SLC8A1: variants seen among roughly 807,000 people sequenced by gnomAD.
SLC8A1 encodes sodium/calcium exchanger 1.
SLC8A1 carries 18 observed loss-of-function variants against 68.3 expected under a neutral mutation model. The observed-to-expected ratio is 0.26, with a 90% CI of 0.18 to 0.39. The LOEUF (loss-of-function observed/expected upper bound fraction) is 0.39. Among genes scored for constraint, SLC8A1 ranks in the 10% least tolerant of loss-of-function variants. The pLI is 1.00. For synonymous variants in SLC8A1, 475 were observed against 415.5 expected (o/e 1.14, Z -1.74); for missense variants, 985 against 1,156.7 (o/e 0.85, Z 2.15).
chr2:40,419,537 T>C (rs1694878443), intron 2 of SLC8A1, among the ~76,000 whole-genome samples: 1 of 152,036 alleles, frequency 6.6e-6, no homozygotes, highest in Non-Finnish European at 1.5e-5. Context: ...CACCTCCTTC[T>C]CTGCCTCCCT....
intron 2 of SLC8A1, among the ~76,000 whole-genome samples, chr2:40,327,956 T>G (rs1488664547): frequency 1.6e-5 from 2 of 126,642 alleles, no homozygotes; most frequent in Non-Finnish European, 3.2e-5. Context: ...GAAATAAAAC[T>G]GAAAAAAAAA....
chr2:40,218,050 G>A (rs776499123), intron 2 of SLC8A1, among the ~76,000 whole-genome samples: 1 of 152,126 alleles, frequency 6.6e-6, no homozygotes, highest in African/African-American at 2.4e-5. Flanking sequence ...GTAGTAAAGA[G>A]ACACAGCCTT....
intron 2 of SLC8A1, among the ~76,000 whole-genome samples, chr2:40,399,326 C>G (rs770738788): frequency 6.6e-6 from 1 of 152,120 alleles, no homozygotes; most frequent in Non-Finnish European, 1.5e-5. Flanking sequence ...TCCCCTACCC[C>G]TCGTCTCCCC....
chr2:40,277,798 A>ATATATATATATATATATATATGTGTGTG (rs1314214737), intron 2 of SLC8A1, among the ~76,000 whole-genome samples: 5 of 38,270 alleles, frequency 1.3e-4, no homozygotes, highest in South Asian at 1.0e-3. Context: ...ATGTGTGTAT[A>ATATATATATATATATATATATGTGTGTG]TATATATATA....
chr2:40,363,419 AT>A (rs1308393768), intron 2 of SLC8A1, among the ~76,000 whole-genome samples: 1 of 152,148 alleles, frequency 6.6e-6, no homozygotes, highest in Non-Finnish European at 1.5e-5. Context: ...TGTGCTGTAA[AT>A]GCAAGAAAGC....
chr2:40,146,526 G>A (rs2042491511), intron 6 of SLC8A1, among the ~76,000 whole-genome samples: 1 of 151,980 alleles, frequency 6.6e-6, no homozygotes, highest in Non-Finnish European at 1.5e-5. Flanking sequence ...CACATTACAT[G>A]TATTTTGCAC....
chr2:40,237,145 T>C (rs1455684686), intron 2 of SLC8A1, among the ~76,000 whole-genome samples: 1 of 152,126 alleles, frequency 6.6e-6, no homozygotes, highest in Non-Finnish European at 1.5e-5. Context: ...AATCTGAACG[T>C]TGGCCTGCCT....
chr2:40,286,540 G>C (rs1575080958), intron 2 of SLC8A1, among the ~76,000 whole-genome samples: 1 of 152,178 alleles, frequency 6.6e-6, no homozygotes, highest in Non-Finnish European at 1.5e-5. Flanking sequence ...AAAGAGAAAA[G>C]ACTTGGCTTC....
intron 2 of SLC8A1, among the ~76,000 whole-genome samples, chr2:40,206,460 A>C (rs2055467918): frequency 6.6e-6 from 1 of 152,074 alleles, no homozygotes; most frequent in Non-Finnish European, 1.5e-5. Flanking sequence ...GAAAGTTTTC[A>C]GGCAGCCAAA....
chr2:40,390,518 T>C (rs1455966504), intron 2 of SLC8A1, among the ~76,000 whole-genome samples: 7 of 152,126 alleles, frequency 4.6e-5, no homozygotes, highest in Non-Finnish European at 1.0e-4. Flanking sequence ...ATGTCAATTC[T>C]TGCATACCAT....
chr2:40,389,356 T>C (rs1437887364), intron 2 of SLC8A1, among the ~76,000 whole-genome samples: 1 of 152,140 alleles, frequency 6.6e-6, no homozygotes, highest in Non-Finnish European at 1.5e-5. Flanking sequence ...TTAAACCCTT[T>C]GGTGCCAGCC....
intron 6 of SLC8A1, among the ~76,000 whole-genome samples, chr2:40,158,688 A>C (rs2045078772): frequency 6.6e-6 from 1 of 152,110 alleles, no homozygotes; most frequent in African/African-American, 2.4e-5. Context: ...CCTTCTTCTA[A>C]AGGGCAGTAG....
chr2:40,186,248 G>A (rs2050679352), intron 2 of SLC8A1, among the ~76,000 whole-genome samples: 1 of 152,198 alleles, frequency 6.6e-6, no homozygotes, highest in South Asian at 2.1e-4. Flanking sequence ...ATATCACCTT[G>A]GGCATTCTCT....
At chr2:40,500,678 A>G (rs1405100585) in intron 1 of SLC8A1, among the ~76,000 whole-genome samples, 4 of 151,114 alleles carry the variant, frequency 2.6e-5, no homozygotes, top group Non-Finnish European at 4.4e-5. Flanking sequence ...TTCCCAGTTC[A>G]TTGATGTTGA....
rs376894379 is a variant in SLC8A1, at chr2:40,394,442, A to AGT, written c.1808+34029_1808+34030dup. Among the ~76,000 whole-genome samples the AGT allele has an allele frequency of 5.3e-5, 8 of 151,064 alleles. No homozygotes were observed. In the East Asian group the frequency reaches 5.8e-4, roughly 11 times the overall value. ...ACTATTTCTTTGTGGTTTTTCTGTT[A>AGT]GTGTGTGTGTGTGCGTGTGTGTGTG... On this transcript the variant is annotated intron_variant, in intron 2 of 7. Coordinates refer to ENST00000406785, the Ensembl canonical transcript of SLC8A1.
chr2:40,426,503 A>C (rs946625625), intron 2 of SLC8A1, among the ~76,000 whole-genome samples: 2 of 152,040 alleles, frequency 1.3e-5, no homozygotes, highest in African/African-American at 4.8e-5. Context: ...TCCTTTTTAA[A>C]AATCCTTTTC....
At chr2:40,409,558 T>C (rs1368650276) in intron 2 of SLC8A1, among the ~76,000 whole-genome samples, 1 of 152,176 alleles carries the variant, frequency 6.6e-6, no homozygotes, top group African/African-American at 2.4e-5. Flanking sequence ...CAGTCATTCC[T>C]TGAGAATACT....
At chr2:40,330,182 C>A (rs145562045) in intron 2 of SLC8A1, among the ~76,000 whole-genome samples, 90 of 152,258 alleles carry the variant, frequency 5.9e-4, no homozygotes, top group African/African-American at 2.0e-3. Flanking sequence ...GTTCTAACTT[C>A]TGATCATTAG....
intron 2 of SLC8A1, among the ~76,000 whole-genome samples, chr2:40,203,409 G>A (rs2054780933): frequency 6.6e-6 from 1 of 151,904 alleles, no homozygotes; most frequent in Non-Finnish European, 1.5e-5. Flanking sequence ...GCTAATATTG[G>A]TGCTTTCCAT....
Sources: gnomAD v4.1 joint callset for allele counts (sites outside exome capture counted in the v4.1 genomes callset) on GRCh38, gnomAD v4.1.1 for gene constraint, MANE v1.5 for transcripts, NCBI Gene and HGNC (gene_info 2026-07-23, HGNC 2026-07-21) for gene names.